KIF5B: variants seen among roughly 807,000 people sequenced by gnomAD.
The protein encoded by KIF5B is kinesin family member 5B.
Under a neutral mutation model 132.8 loss-of-function variants are expected in KIF5B, and 49 were observed. That is an observed-to-expected ratio of 0.37 (90% confidence interval 0.29 to 0.47). KIF5B has a LOEUF of 0.47. KIF5B is among the 20% of genes least tolerant of loss of function. KIF5B has a pLI of 1.00. For missense variants in KIF5B, 780 were observed against 1,144.0 expected (o/e 0.68, Z 4.59); for synonymous variants, 355 against 369.4 (o/e 0.96, Z 0.45).
chr10:32,053,451 G>T (rs184375682), intron 1 of KIF5B, among the ~76,000 whole-genome samples: 2 of 150,428 alleles, frequency 1.3e-5, no homozygotes, highest in Non-Finnish European at 3.0e-5. Flanking sequence ...CAGGCCAGGC[G>T]TGGTGGCTCA....
intron 3 of KIF5B, 37 bp downstream of exon 3, chr10:32,040,347 T>C (rs1450530198): frequency 8.1e-7 from 1 of 1,241,168 alleles, no homozygotes; most frequent in East Asian, 2.3e-5. Context: ...CTGTATGTAT[T>C]GCAAACCACA....
intron 25 of KIF5B, among the ~76,000 whole-genome samples, chr10:32,014,453 C>T (rs958803953): frequency 1.5e-4 from 23 of 151,518 alleles, no homozygotes; most frequent in Non-Finnish European, 2.7e-4. Flanking sequence ...AAGCAGGCTC[C>T]GAAGCAGCAT....
intron 2 of KIF5B, 30 bp from the exon 3 acceptor site, chr10:32,040,487 AT>A: frequency 7.6e-7 from 1 of 1,317,418 alleles, no homozygotes; most frequent in Non-Finnish European, 1.1e-6. Context: ...AGTTCAGGGG[AT>A]TTTTTCCTTA....
chr10:32,037,448 T>G, intron 7 of KIF5B, 70 bp from the exon 8 acceptor site: 1 of 1,592,320 alleles, frequency 6.3e-7, no homozygotes, highest in Admixed American at 1.7e-5. Context: ...TGAAGCAATC[T>G]TATAATTAAT....
intron 25 of KIF5B, among the ~76,000 whole-genome samples, chr10:32,014,640 ATTAC>A (rs1355507848): frequency 2.6e-5 from 4 of 152,200 alleles, no homozygotes; most frequent in African/African-American, 9.7e-5. Flanking sequence ...AAGAACAGAT[ATTAC>A]TTATATAATT....
chr10:32,041,044 A>AC (rs1363846388), intron 2 of KIF5B, among the ~76,000 whole-genome samples: 2 of 150,862 alleles, frequency 1.3e-5, no homozygotes, highest in African/African-American at 4.9e-5. Flanking sequence ...TACTCGAAAG[A>AC]CTAAGGCACA....
At chr10:32,032,069 G>A (rs1399119063) in intron 13 of KIF5B, among the ~76,000 whole-genome samples, 1 of 151,666 alleles carries the variant, frequency 6.6e-6, no homozygotes, top group Non-Finnish European at 1.5e-5. Flanking sequence ...GACTAGTTAG[G>A]AGAAAACCAC....
At chr10:32,020,013 GTCA>G in intron 19 of KIF5B, 54 bp from the exon 20 acceptor site, 1 of 1,178,116 alleles carries the variant, frequency 8.5e-7, no homozygotes, top group Non-Finnish European at 1.2e-6. Context: ...TTTTCTCAAT[GTCA>G]TCATTAAAAT....
rs371580342 is a variant in KIF5B, at chr10:32,029,167, C to T, written c.1582-596G>A. 5.9e-5 allele frequency among the ~76,000 whole-genome samples: 9 copies of T among 152,262 alleles called. No homozygotes were observed. The South Asian group carries it at 1.9e-3, about 31-fold the overall frequency. ...TCACCAAATTTTGAAAAGTCCAACC[C>T]AGTTTGGTGCCCACTTTAAAATAAC... On this transcript the variant is annotated intron_variant, in intron 14 of 25. Coordinates refer to ENST00000302418, the MANE Select transcript of KIF5B (RefSeq NM_004521.3).
chr10:32,043,848 G>A (rs1841575379), intron 2 of KIF5B, among the ~76,000 whole-genome samples: 1 of 152,108 alleles, frequency 6.6e-6, no homozygotes, highest in African/African-American at 2.4e-5. Context: ...TCTGCTTTCA[G>A]GTCATTACTG....
At chr10:32,013,397 A>C (rs1028409392) in intron 25 of KIF5B, among the ~76,000 whole-genome samples, 2 of 152,236 alleles carry the variant, frequency 1.3e-5, no homozygotes, top group African/African-American at 4.8e-5. Context: ...TTTGCATAGA[A>C]ATAGAGGGAG....
At chr10:32,040,082 A>G (rs1472121983) in intron 3 of KIF5B, among the ~76,000 whole-genome samples, 1 of 152,214 alleles carries the variant, frequency 6.6e-6, no homozygotes, top group Non-Finnish European at 1.5e-5. Flanking sequence ...TCAACAACAC[A>G]TAAGCATTCA....
Position 32,056,209 on chromosome 10 carries a change from C to CAGCGGCGGCGGCACCGGGGAG in KIF5B, c.-257_-237dup. The CAGCGGCGGCGGCACCGGGGAG allele has an allele frequency of 2.1e-6, 1 of 483,354 alleles. No individual in the cohort carries two copies. Among genetic ancestry groups the CAGCGGCGGCGGCACCGGGGAG allele is most frequent in the South Asian group, 2.5e-5 (1 of 39,384 alleles). 29.9% of individuals were successfully genotyped at this position (483,354 alleles called of 1,614,324 possible). A position where few individuals can be genotyped will look rare whatever the true frequency, so the allele number is the denominator to read the frequency against. ...TCCATCATGGCAGCCATGGCGGCGG[C>CAGCGGCGGCGGCACCGGGGAG]AGCGGCGGCGGCACCGGGGAGAGCG... is the stretch of plus-strand genomic sequence containing the variant. On this transcript the variant is annotated 5_prime_UTR_variant, in exon 1 of 26. Transcript: ENST00000302418.
At chr10:32,053,938 T>C (rs890496242) in intron 1 of KIF5B, among the ~76,000 whole-genome samples, 10 of 152,178 alleles carry the variant, frequency 6.6e-5, no homozygotes, top group Non-Finnish European at 1.3e-4. Flanking sequence ...AGAATAAATG[T>C]ATGTTTCCTT....
intron 25 of KIF5B, among the ~76,000 whole-genome samples, chr10:32,012,903 T>A (rs1841103367): frequency 6.6e-6 from 1 of 151,250 alleles, no homozygotes; most frequent in Non-Finnish European, 1.5e-5. Context: ...CATGTAATTT[T>A]TTTTTTTTTT....
chr10:32,041,994 A>AG (rs571872815), intron 2 of KIF5B, among the ~76,000 whole-genome samples: 396 of 152,208 alleles, frequency 2.6e-3, no homozygotes, highest in African/African-American at 8.8e-3. Flanking sequence ...ATTAGGTCAA[A>AG]GGGGGGAAAA....
chr10:32,031,355 G>A (rs1841400664), intron 13 of KIF5B, 76 bp from the exon 14 acceptor site: 12 of 1,114,646 alleles, frequency 1.1e-5, no homozygotes, highest in Non-Finnish European at 1.6e-5. Flanking sequence ...TTCACCATTT[G>A]TCAAGAACAA....
At chr10:32,027,272 C>T (rs181442862) in intron 15 of KIF5B, among the ~76,000 whole-genome samples, 6 of 152,218 alleles carry the variant, frequency 3.9e-5, no homozygotes, top group Non-Finnish European at 7.4e-5. Context: ...CTGCAACATA[C>T]AAATCTTTCA....
chr10:32,028,365 G>A (rs1317872341), intron 15 of KIF5B, 63 bp downstream of exon 15: 3 of 1,295,898 alleles, frequency 2.3e-6, no homozygotes, highest in Non-Finnish European at 3.3e-6. Context: ...CAAACTATTA[G>A]TAGTAAACAA....
Sources: allele counts gnomAD v4.1 joint callset (sites outside exome capture counted in the v4.1 genomes callset), GRCh38; gene constraint gnomAD v4.1.1; transcripts MANE v1.5; gene names NCBI Gene and HGNC (gene_info 2026-07-23, HGNC 2026-07-21).